The following GLIS1 variants were observed in gnomAD, a reference collection of about 807,000 sequenced individuals.
The protein encoded by GLIS1 is zinc finger protein GLIS1.
A neutral mutation model predicts 63.8 loss-of-function variants in GLIS1; 24 were observed. The observed-to-expected ratio is 0.38, with a 90% confidence interval of 0.27 to 0.53. The LOEUF (loss-of-function observed/expected upper bound fraction) is 0.53. Among genes scored for constraint, GLIS1 ranks in the 20% least tolerant of loss-of-function variants. GLIS1 has a pLI of 0.85. For missense variants in GLIS1, 1,036 were observed against 1,074.1 expected (o/e 0.96, Z 0.50); for synonymous variants, 450 against 482.5 (o/e 0.93, Z 0.88).
intron 2 of GLIS1, among the ~76,000 whole-genome samples, chr1:53,647,691 A>C (rs1264929808): frequency 1.3e-5 from 2 of 152,224 alleles, no homozygotes; most frequent in Admixed American, 6.5e-5. Context: ...AGATTTCTTA[A>C]ACAGGACTCA....
chr1:53,600,650 C>T (rs1227136779), intron 2 of GLIS1, among the ~76,000 whole-genome samples: 2 of 152,176 alleles, frequency 1.3e-5, no homozygotes, highest in Non-Finnish European at 2.9e-5. Context: ...CCACACGGTG[C>T]TCATGAGGCA....
At chr1:53,593,107 C>T (rs1227922694) in intron 4 of GLIS1, among the ~76,000 whole-genome samples, 1 of 152,260 alleles carries the variant, frequency 6.6e-6, no homozygotes, top group Non-Finnish European at 1.5e-5. Flanking sequence ...AAGTGTGAAA[C>T]AGCTTGACTT....
At chr1:53,721,167 T>C (rs1646750366) in intron 2 of GLIS1, among the ~76,000 whole-genome samples, 2 of 152,048 alleles carry the variant, frequency 1.3e-5, no homozygotes, top group African/African-American at 2.4e-5. Flanking sequence ...AAAAGAGAAC[T>C]AAATCTTCAT....
intron 2 of GLIS1, among the ~76,000 whole-genome samples, chr1:53,611,243 T>C (rs997933084): frequency 6.6e-6 from 1 of 152,110 alleles, no homozygotes; most frequent in African/African-American, 2.4e-5. Context: ...ACACGCACTA[T>C]CATGCTCAGC....
chr1:53,536,481 T>C (rs1221888448), intron 4 of GLIS1, among the ~76,000 whole-genome samples: 2 of 152,116 alleles, frequency 1.3e-5, no homozygotes, highest in Non-Finnish European at 1.5e-5. Flanking sequence ...GTGCTGTGTG[T>C]GTTTCATTTA....
rs533232176 is a variant in GLIS1, at chr1:53,691,857, A to G, written c.259+45949T>C. ...CCCACCCAGCATTACCAGGTTCCAC[A>G]GTTAAACCAACTCCGCCCCAGTGAC... On this transcript the variant is annotated intron_variant, in intron 2 of 10. Transcript: ENST00000628545. Among the ~76,000 whole-genome samples the G allele has an allele frequency of 2.0e-5, 3 of 152,294 alleles. No individual in the cohort carries two copies. The South Asian group carries it at 6.2e-4, about 32-fold the overall frequency.
chr1:53,521,720 C>T (rs892388228), intron 6 of GLIS1, among the ~76,000 whole-genome samples: 4 of 152,208 alleles, frequency 2.6e-5, no homozygotes, highest in African/African-American at 9.6e-5. Flanking sequence ...GGCTGGGGTG[C>T]ACCCAGTAAC....
chr1:53,623,660 G>T (rs1645567882), intron 2 of GLIS1, among the ~76,000 whole-genome samples: 1 of 151,990 alleles, frequency 6.6e-6, no homozygotes, highest in African/African-American at 2.4e-5. Context: ...ACAAAAGAAA[G>T]AATAAATTAG....
intron 8 of GLIS1, among the ~76,000 whole-genome samples, chr1:53,510,309 T>C (rs574411000): frequency 6.6e-6 from 1 of 152,334 alleles, no homozygotes; most frequent in Non-Finnish European, 1.5e-5. Flanking sequence ...AAACCCCTAA[T>C]TGCTCCGTTG....
intron 2 of GLIS1, among the ~76,000 whole-genome samples, chr1:53,698,870 A>T (rs1185697442): frequency 6.6e-6 from 1 of 152,162 alleles, no homozygotes; most frequent in African/African-American, 2.4e-5. Context: ...CTGTGCGGGC[A>T]GCACCAAACC....
At chr1:53,701,191 G>T (rs76460868) in intron 2 of GLIS1, among the ~76,000 whole-genome samples, 1,874 of 152,264 alleles carry the variant, frequency 0.012, 31 homozygotes, top group African/African-American at 0.043. Flanking sequence ...ACCTTTCGAG[G>T]AACTACCAGA....
chr1:53,581,664 G>A (rs1190542319), intron 4 of GLIS1, among the ~76,000 whole-genome samples: 1 of 152,206 alleles, frequency 6.6e-6, no homozygotes, highest in African/African-American at 2.4e-5. Flanking sequence ...CCTCCTGGAG[G>A]AGGTGACATG....
At chr1:53,521,694 G>A (rs1569741372) in intron 6 of GLIS1, among the ~76,000 whole-genome samples, 1 of 152,200 alleles carries the variant, frequency 6.6e-6, no homozygotes, top group East Asian at 1.9e-4. Flanking sequence ...AGGTCCCTTG[G>A]CTAAGGGTGA....
At chr1:53,631,190 C>A (rs79958746) in intron 2 of GLIS1, among the ~76,000 whole-genome samples, 7,720 of 152,232 alleles carry the variant, frequency 0.051, 286 homozygotes, top group Middle Eastern at 0.092. Flanking sequence ...TTATGTAAAG[C>A]TAGTCCTTTT....
chr1:53,553,863 G>C (rs186734240), intron 4 of GLIS1, among the ~76,000 whole-genome samples: 1 of 152,210 alleles, frequency 6.6e-6, no homozygotes, highest in Non-Finnish European at 1.5e-5. Flanking sequence ...GAACGGGCAG[G>C]TGGAGGATGG....
intron 2 of GLIS1, among the ~76,000 whole-genome samples, chr1:53,687,757 G>A (rs575876200): frequency 3.9e-5 from 6 of 152,304 alleles, no homozygotes; most frequent in African/African-American, 1.4e-4. Flanking sequence ...GTTAACGGGG[G>A]TTCCAGTTAA....
At chr1:53,684,763 C>T (rs1646313223) in intron 2 of GLIS1, among the ~76,000 whole-genome samples, 1 of 152,240 alleles carries the variant, frequency 6.6e-6, no homozygotes, top group Non-Finnish European at 1.5e-5. Context: ...CTCCTCCTGG[C>T]CAGCAGGCTC....
At chr1:53,516,381 C>A (rs914037026) in intron 7 of GLIS1, among the ~76,000 whole-genome samples, 1 of 152,154 alleles carries the variant, frequency 6.6e-6, no homozygotes, top group Non-Finnish European at 1.5e-5. Context: ...TGCAGGGAAC[C>A]GAGCAGGGCT....
chr1:53,654,619 C>T (rs1157433738), intron 2 of GLIS1, among the ~76,000 whole-genome samples: 2 of 152,054 alleles, frequency 1.3e-5, no homozygotes, highest in Non-Finnish European at 2.9e-5. Flanking sequence ...TGGGAAGAAG[C>T]GGAGGGGGAA....
Sources: gnomAD v4.1 joint callset for allele counts (sites outside exome capture counted in the v4.1 genomes callset) on GRCh38, gnomAD v4.1.1 for gene constraint, MANE v1.5 for transcripts, NCBI Gene and HGNC (gene_info 2026-07-23, HGNC 2026-07-21) for gene names.